CCDC171: variants seen among roughly 807,000 people sequenced by gnomAD.
The protein encoded by CCDC171 is coiled-coil domain containing 171.
CCDC171 carries 177 observed loss-of-function variants against 168.2 expected under a neutral mutation model. That is an observed-to-expected ratio of 1.05 (90% CI 0.93 to 1.19). The LOEUF (loss-of-function observed/expected upper bound fraction) is 1.19, where lower values mean the gene tolerates loss of function less well. Ranked by LOEUF, CCDC171 falls within the 50% of genes most tolerant of loss-of-function variation. CCDC171 has a pLI of 0.00. For synonymous variants in CCDC171, 687 were observed against 540.8 expected, an observed-to-expected ratio of 1.27 and a Z score of -3.75; for missense variants, 1,991 against 1,539.0, an observed-to-expected ratio of 1.29 and a Z score of -4.91.
chr9:15,892,471 T>A (rs770219), intron 24 of CCDC171, among the ~76,000 whole-genome samples: 1 of 152,008 alleles, frequency 6.6e-6, no homozygotes, highest in African/African-American at 2.4e-5. Flanking sequence ...ATGTGTTTTT[T>A]TTCTTTAGTT....
intron 16 of CCDC171, among the ~76,000 whole-genome samples, chr9:15,733,800 G>A (rs532978008): frequency 6.6e-6 from 1 of 151,838 alleles, no homozygotes; most frequent in African/African-American, 2.4e-5. Context: ...AGACACTTTC[G>A]CCCTGTTGCC....
intron 10 of CCDC171, among the ~76,000 whole-genome samples, chr9:15,679,377 C>T (rs893477096): frequency 2.2e-4 from 33 of 152,182 alleles, no homozygotes; most frequent in African/African-American, 6.8e-4. Flanking sequence ...TAAAACTCAT[C>T]AGCATCTCGA....
At chr9:16,040,490 T>C (rs929269694), upstream of CCDC171, among the ~76,000 whole-genome samples, 16 of 152,296 alleles carry the variant, frequency 1.1e-4, no homozygotes, top group African/African-American at 3.9e-4. Flanking sequence ...GCTGCGAAGC[T>C]TTGGTCATGC....
At chr9:15,884,840 C>A (rs1819176536) in intron 24 of CCDC171, among the ~76,000 whole-genome samples, 1 of 152,120 alleles carries the variant, frequency 6.6e-6, no homozygotes, top group Non-Finnish European at 1.5e-5. Flanking sequence ...CTAAGTTGGA[C>A]TGAACTATAA....
chr9:16,024,093 C>A (rs1833228885), intron 6 of CCDC171, among the ~76,000 whole-genome samples: 7 of 152,026 alleles, frequency 4.6e-5, no homozygotes, highest in Admixed American at 3.9e-4. Flanking sequence ...CCAAAGAATG[C>A]AAGCTTAAAG....
At chr9:15,834,576 A>C (rs980131460) in intron 21 of CCDC171, among the ~76,000 whole-genome samples, 5 of 152,224 alleles carry the variant, frequency 3.3e-5, no homozygotes, top group Non-Finnish European at 7.4e-5. Flanking sequence ...GAGGCTACCC[A>C]ATGGATATGA....
chr9:15,723,819 G>C, intron 13 of CCDC171, 73 bp downstream of exon 13: 1 of 684,032 alleles, frequency 1.5e-6, no homozygotes, highest in Non-Finnish European at 2.4e-6. Flanking sequence ...TTTTAAAGTA[G>C]AGATATTGAG....
intron 3 of CCDC171, among the ~76,000 whole-genome samples, chr9:15,992,298 C>A (rs771771564): frequency 6.6e-6 from 1 of 152,080 alleles, no homozygotes; most frequent in Non-Finnish European, 1.5e-5. Context: ...TAAACGTAAT[C>A]CAGCATATAA....
At chr9:15,561,271 A>T (rs1348535683) in intron 1 of CCDC171, among the ~76,000 whole-genome samples, 1 of 152,200 alleles carries the variant, frequency 6.6e-6, no homozygotes, top group Non-Finnish European at 1.5e-5. Flanking sequence ...GTTTTGTGAC[A>T]GTTGGAATGA....
rs551191952 is a variant in CCDC171 at position 15,728,278 on chromosome 9, C to T, written c.1860+242C>T. 2.0e-5 allele frequency among the ~76,000 whole-genome samples: 3 copies of T among 152,118 alleles called. No homozygotes were observed. The East Asian group carries it at 5.8e-4, about 29-fold the overall frequency. On this transcript the variant is annotated intron_variant, in intron 15 of 25. Coordinates refer to ENST00000380701, the MANE Select transcript of CCDC171 (RefSeq NM_173550.4). ...ACTTTCTGTGCAGGACATGCTAATA[C>T]TACTAGCCAGTATTAGCCACAGGGA...
At chr9:15,940,883 G>T (rs368689376) in intron 25 of CCDC171, among the ~76,000 whole-genome samples, 1 of 151,782 alleles carries the variant, frequency 6.6e-6, no homozygotes, top group East Asian at 1.9e-4. Flanking sequence ...AAAACATAGC[G>T]TTAAGAAGTT....
chr9:15,999,493 T>A (rs1409264654), intron 3 of CCDC171, among the ~76,000 whole-genome samples: 1 of 151,914 alleles, frequency 6.6e-6, no homozygotes, highest in Non-Finnish European at 1.5e-5. Flanking sequence ...CAGAACAAGG[T>A]TGAAGCACCC....
chr9:15,766,872 G>A (rs1442186242), intron 18 of CCDC171, among the ~76,000 whole-genome samples: 1 of 152,074 alleles, frequency 6.6e-6, no homozygotes, highest in African/African-American at 2.4e-5. Context: ...ATGTTGTCCA[G>A]ACTAGTCTCA....
intron 7 of CCDC171, among the ~76,000 whole-genome samples, chr9:15,650,658 C>G (rs1457856684): frequency 6.6e-6 from 1 of 152,228 alleles, no homozygotes; most frequent in African/African-American, 2.4e-5. Flanking sequence ...TTCTCCCATT[C>G]TTTAGGTTAT....
chr9:15,768,359 T>G (rs2056844270), intron 18 of CCDC171, among the ~76,000 whole-genome samples: 1 of 152,188 alleles, frequency 6.6e-6, no homozygotes, highest in Non-Finnish European at 1.5e-5. Flanking sequence ...CTTACTCTTA[T>G]TCTCCATATT....
At chr9:15,875,191 A>ACCCT (rs1368591993) in intron 24 of CCDC171, 1 of 152,104 alleles carries the variant, frequency 6.6e-6, no homozygotes, top group African/African-American at 2.4e-5. Context: ...AGAGTATTTT[A>ACCCT]CCCTTTAATA....
rs749131852 is a variant in CCDC171, at chr9:15,729,730, C to T, written c.1981C>T (p.His661Tyr). ...GATCAAAGCCCAAGAGAGCTGCTGG[C>T]ACAGACAAAAGAAGGAACTAGAGCT... is the stretch of plus-strand genomic sequence containing the variant. ...EQIKAQESCW[H>Y]RQKKELELQY... The change falls in exon 16 of 26, where the codon CAC becomes TAC. Residue 661 changes from histidine (H) to tyrosine (Y), a missense_variant. By Grantham distance (83) the His-to-Tyr change is moderately conservative (BLOSUM62 2). Transcript: ENST00000380701. The T allele has an allele frequency of 1.9e-6, 3 of 1,613,242 alleles. No individual in the cohort carries two copies. Among genetic ancestry groups the T allele is most frequent in the Admixed American group, 1.7e-5 (1 of 59,938 alleles).
At chr9:15,942,618 G>A (rs899426879) in intron 25 of CCDC171, among the ~76,000 whole-genome samples, 1 of 151,884 alleles carries the variant, frequency 6.6e-6, no homozygotes, top group South Asian at 2.1e-4. Flanking sequence ...ACAATCTGTA[G>A]CGCTGAAAAA....
chr9:15,682,851 T>G (rs947135461), intron 10 of CCDC171, among the ~76,000 whole-genome samples: 2 of 152,070 alleles, frequency 1.3e-5, no homozygotes, highest in Non-Finnish European at 2.9e-5. Context: ...ATGAATTTAA[T>G]AATGATTTAA....
Sources: gnomAD v4.1 joint callset for allele counts (sites outside exome capture counted in the v4.1 genomes callset) on GRCh38, gnomAD v4.1.1 for gene constraint, MANE v1.5 for transcripts, NCBI Gene and HGNC (gene_info 2026-07-23, HGNC 2026-07-21) for gene names.